The following TMEM50A variants were observed in gnomAD, a reference collection of about 807,000 sequenced individuals.
TMEM50A encodes cervical cancer oncogene 9.
A neutral mutation model predicts 23.9 loss-of-function variants in TMEM50A; 8 were observed. The ratio of observed to expected loss-of-function variants is 0.33; its 90% CI spans 0.20 to 0.60. The LOEUF (loss-of-function observed/expected upper bound fraction) is 0.60, where lower values mean the gene tolerates loss of function less well. TMEM50A is among the 20% of genes least tolerant of loss of function. The pLI, the probability that TMEM50A is intolerant of heterozygous loss-of-function variation, is 0.81. For synonymous variants in TMEM50A, 55 were observed against 60.4 expected (o/e 0.91, Z 0.41); for missense variants, 178 against 192.7 (o/e 0.92, Z 0.45).
At position 25,361,952 on chromosome 1, in the gene TMEM50A, A is replaced by G. The variant is rs984413695; in HGVS notation, c.*1247A>G. 2.9e-5 allele frequency: 5 copies of G among 175,410 alleles called. No homozygotes were observed. Among genetic ancestry groups the G allele is most frequent in the Admixed American group, 1.1e-4 (2 of 18,116 alleles). The allele number at this position is 175,410 out of a possible 1,614,324, so 10.9% of individuals were successfully genotyped here. A position where few individuals can be genotyped will look rare whatever the true frequency, so the allele number is the denominator to read the frequency against. On this transcript the variant is annotated 3_prime_UTR_variant, in exon 7 of 7. Coordinates refer to ENST00000374358, the MANE Select transcript of TMEM50A (RefSeq NM_014313.4). ...CTTTTCACATAGGAGGGAACAGACC[A>G]TGGAAATTTAAACGACTTCCTCACG...
chr1:25,351,434 G>A (rs1379291140), intron 3 of TMEM50A, among the ~76,000 whole-genome samples, 192 bp from the exon 4 acceptor site: 2 of 152,014 alleles, frequency 1.3e-5, no homozygotes, highest in African/African-American at 2.4e-5. Context: ...ACTTGAGCCT[G>A]GGATTTCAAG....
chr1:25,360,024 C>T (rs77130725), intron 6 of TMEM50A, among the ~76,000 whole-genome samples: 1,548 of 152,170 alleles, frequency 0.01, 27 homozygotes, highest in African/African-American at 0.035. Flanking sequence ...AGCCCTGGCA[C>T]CAAAACAGTT....
intron 3 of TMEM50A, among the ~76,000 whole-genome samples, chr1:25,351,228 G>A (rs1381329085): frequency 1.3e-5 from 2 of 150,984 alleles, no homozygotes; most frequent in East Asian, 3.9e-4. Context: ...CTTTACTCAA[G>A]AACTGAAGGC....
chr1:25,343,319 T>C (rs535229501), intron 3 of TMEM50A, among the ~76,000 whole-genome samples: 2 of 152,320 alleles, frequency 1.3e-5, no homozygotes, highest in African/African-American at 4.8e-5. Flanking sequence ...CCAGGGTTTA[T>C]AGCTTTATAT....
chr1:25,360,560 T>G, intron 6 of TMEM50A, 100 bp from the exon 7 acceptor site: 1 of 1,315,284 alleles, frequency 7.6e-7, no homozygotes, highest in Non-Finnish European at 1.1e-6. Context: ...CTACAACTCA[T>G]CAATTATTCT....
chr1:25,351,038 C>G lies in TMEM50A; in HGVS notation c.207-588C>G, dbSNP rs138523304. 2.8e-3 allele frequency among the ~76,000 whole-genome samples: 433 copies of G among 152,070 alleles called. 8 individuals carry two copies. Among genetic ancestry groups the G allele is most frequent in the Admixed American group, 0.02 (311 of 15,268 alleles). On this transcript the variant is annotated intron_variant, in intron 3 of 6. Transcript: ENST00000374358. ...ATTAGCCGGGCATAGGTGGTGCATG[C>G]CTGTAGTCCCAACTACTCGGGAGGC...
intron 2 of TMEM50A, chr1:25,342,672 A>G: frequency 5.4e-6 from 1 of 185,412 alleles, no homozygotes; most frequent in East Asian, 1.3e-4. Flanking sequence ...TTCCCCCTCC[A>G]TGAGATAACT....
intron 3 of TMEM50A, among the ~76,000 whole-genome samples, chr1:25,343,703 G>T (rs1042163178): frequency 5.9e-5 from 9 of 152,044 alleles, no homozygotes; most frequent in Admixed American, 5.3e-4. Context: ...GAAATTTTCA[G>T]CAGAGTCAGA....
intron 1 of TMEM50A, among the ~76,000 whole-genome samples, chr1:25,339,368 T>G (rs1028363959): frequency 2.0e-5 from 3 of 152,232 alleles, no homozygotes; most frequent in African/African-American, 7.2e-5. Context: ...GTAATCTGAA[T>G]TACTATTAAC....
chr1:25,348,780 C>T (rs1645247502), intron 3 of TMEM50A, among the ~76,000 whole-genome samples: 1 of 152,050 alleles, frequency 6.6e-6, no homozygotes, highest in African/African-American at 2.4e-5. Context: ...TACCAGTGTT[C>T]TCTTCTGTTT....
At chr1:25,353,321 C>T (rs1312237704) in intron 5 of TMEM50A, among the ~76,000 whole-genome samples, 3 of 152,282 alleles carry the variant, frequency 2.0e-5, no homozygotes, top group South Asian at 2.1e-4. Context: ...GTCTCACTAT[C>T]ACCCAGGCTG....
In TMEM50A at chr1:25,352,994, A is replaced by G. The variant is rs557428588; in HGVS notation, c.367+20A>G. 8.2e-6 allele frequency: 13 copies of G among 1,592,440 alleles called. No individual in the cohort carries two copies. The African/African-American group carries it at 1.1e-4, about 13-fold the overall frequency. ...CTAAAGGTAAGAGAAAACATAGGTTACAATTTACTTCAGTGGAATACTGGA... is the reference window on the plus strand; with the variant it reads ...CTAAAGGTAAGAGAAAACATAGGTTGCAATTTACTTCAGTGGAATACTGGA... On this transcript the variant is annotated intron_variant, in intron 5 of 6. Transcript: ENST00000374358.
intron 1 of TMEM50A, among the ~76,000 whole-genome samples, chr1:25,339,227 GCTTTTTCATACT>G (rs1645140178): frequency 6.6e-6 from 1 of 152,126 alleles, no homozygotes; most frequent in African/African-American, 2.4e-5. Context: ...TGTATTTCAG[GCTTTTTCATACT>G]CTGAAATAGA....
At chr1:25,342,673 T>C (rs3093587) in intron 2 of TMEM50A, 5,630 of 185,154 alleles carry the variant, frequency 0.03, 334 homozygotes, top group African/African-American at 0.12. Context: ...TCCCCCTCCA[T>C]GAGATAACTG....
chr1:25,354,924 G>A (rs1184975986), intron 5 of TMEM50A, among the ~76,000 whole-genome samples: 3 of 151,604 alleles, frequency 2.0e-5, no homozygotes, highest in Non-Finnish European at 4.4e-5. Flanking sequence ...GGCGCCTGCC[G>A]CCATGTCCAG....
At chr1:25,345,805 T>TG (rs1645209067) in intron 3 of TMEM50A, among the ~76,000 whole-genome samples, 3 of 151,712 alleles carry the variant, frequency 2.0e-5, no homozygotes, top group African/African-American at 7.3e-5. Flanking sequence ...TTTTTTTTTT[T>TG]GAGATGGAGT....
Position 25,349,580 on chromosome 1 carries a change from A to T in TMEM50A, c.207-2046A>T, listed in dbSNP as rs147706293. On this transcript the variant is annotated intron_variant, in intron 3 of 6. Transcript: ENST00000374358. ...AAACTTAGATTTGTATGAATAAATT[A>T]AGACATCATATTACTGTGAAAAAAA... Among the ~76,000 whole-genome samples, 54 of 152,368 alleles carry T rather than the reference A, an allele frequency of 3.5e-4. 1 individual carries two copies. Among genetic ancestry groups the T allele is most frequent in the Non-Finnish European group, 5.7e-4 (39 of 68,042 alleles).
intron 3 of TMEM50A, among the ~76,000 whole-genome samples, chr1:25,344,296 G>A (rs935708765): frequency 2.6e-5 from 4 of 152,188 alleles, no homozygotes; most frequent in South Asian, 2.1e-4. Flanking sequence ...GGAAGGTTTC[G>A]AGCAGAGGAA....
chr1:25,360,692 A>C lies in TMEM50A; in HGVS notation c.461A>C (p.Asp154Ala). The C allele has an allele frequency of 6.2e-7, 1 of 1,614,106 alleles. No individual in the cohort carries two copies. Among genetic ancestry groups the C allele is most frequent in the Non-Finnish European group, 8.5e-7 (1 of 1,180,006 alleles). The change falls in exon 7 of 7, where the codon GAC becomes GCC. Residue 154 changes from aspartate to alanine, a missense_variant. Asp to Ala is a moderately radical substitution (Grantham distance 126, BLOSUM62 -2). Transcript: ENST00000374358. Reference sequence around the variant, plus strand: ...GTTTTTAAGTTTGGCCGCACTGAAGACTTATGGCAGTGAACACATCTGATT... The same window carrying C: ...GTTTTTAAGTTTGGCCGCACTGAAGCCTTATGGCAGTGAACACATCTGATT... ...GLVFKFGRTE[D>A]LWQ
Sources: gnomAD v4.1 joint callset for allele counts (sites outside exome capture counted in the v4.1 genomes callset) on GRCh38, gnomAD v4.1.1 for gene constraint, MANE v1.5 for transcripts, NCBI Gene and HGNC (gene_info 2026-07-23, HGNC 2026-07-21) for gene names.